Variants in PCSK2 observed in about 807,000 individuals in gnomAD.
PCSK2 encodes the protein neuroendocrine convertase 2.
Under a neutral mutation model 69.7 loss-of-function variants are expected in PCSK2, and 14 were observed. The ratio of observed to expected loss-of-function variants is 0.20; its 90% CI spans 0.13 to 0.31. The LOEUF (loss-of-function observed/expected upper bound fraction) is 0.31, where lower values mean the gene tolerates loss of function less well. Ranked by LOEUF, PCSK2 falls within the 10% of genes least tolerant of loss-of-function variation. The pLI is 1.00. For missense variants in PCSK2, 544 were observed against 842.5 expected (o/e 0.65, Z 4.39); for synonymous variants, 307 against 320.7 (o/e 0.96, Z 0.46).
intron 1 of PCSK2, among the ~76,000 whole-genome samples, chr20:17,233,744 C>A (rs1876898620): frequency 6.6e-6 from 1 of 152,156 alleles, no homozygotes; most frequent in Admixed American, 6.5e-5. Context: ...AGCTAAGCAC[C>A]AGATTCATTG....
intron 2 of PCSK2, among the ~76,000 whole-genome samples, chr20:17,323,107 C>T (rs1389533384): frequency 3.9e-5 from 6 of 152,104 alleles, no homozygotes; most frequent in South Asian, 2.1e-4. Context: ...TTAGGTGATC[C>T]GCCCACCTCA....
chr20:17,364,567 TTG>T (rs1292694936), intron 4 of PCSK2, among the ~76,000 whole-genome samples: 3 of 152,084 alleles, frequency 2.0e-5, no homozygotes, highest in African/African-American at 7.2e-5. Flanking sequence ...CCATCAGATC[TTG>T]CGAGACTTAT....
chr20:17,310,641 G>C (rs910816472), intron 2 of PCSK2, among the ~76,000 whole-genome samples: 27 of 150,072 alleles, frequency 1.8e-4, no homozygotes, highest in African/African-American at 6.7e-4. Context: ...TAGAGAGTAG[G>C]TTTCATTTAT....
chr20:17,439,666 C>T (rs2123356750), intron 8 of PCSK2, among the ~76,000 whole-genome samples: 1 of 152,326 alleles, frequency 6.6e-6, no homozygotes, highest in Non-Finnish European at 1.5e-5. Context: ...CTAGTCTTAC[C>T]AGACTAAAGC....
chr20:17,267,044 G>T (rs1987639608), intron 2 of PCSK2, among the ~76,000 whole-genome samples: 1 of 152,254 alleles, frequency 6.6e-6, no homozygotes, highest in Admixed American at 6.5e-5. Context: ...CATTTTCTGG[G>T]ATCTTTGACC....
At chr20:17,343,029 G>C (rs1990551964) in intron 2 of PCSK2, among the ~76,000 whole-genome samples, 1 of 152,098 alleles carries the variant, frequency 6.6e-6, no homozygotes, top group Non-Finnish European at 1.5e-5. Context: ...GAAAACAAAT[G>C]TACAGAAAGC....
chr20:17,301,000 A>T (rs1264187633), intron 2 of PCSK2, among the ~76,000 whole-genome samples: 1 of 152,224 alleles, frequency 6.6e-6, no homozygotes, highest in Non-Finnish European at 1.5e-5. Context: ...TATAAAAAGG[A>T]TGAAAAGAAA....
At chr20:17,248,002 T>A (rs1354254576) in intron 1 of PCSK2, among the ~76,000 whole-genome samples, 4 of 152,144 alleles carry the variant, frequency 2.6e-5, no homozygotes, top group Non-Finnish European at 4.4e-5. Context: ...TGTGGCATAA[T>A]GAGAATTTCT....
intron 2 of PCSK2, among the ~76,000 whole-genome samples, chr20:17,303,515 T>TTATATTA (rs1989208433): frequency 4.2e-5 from 1 of 23,848 alleles, no homozygotes; most frequent in African/African-American, 1.6e-4. Context: ...ATATTATATA[T>TTATATTA]AATATAATAT....
chr20:17,326,751 T>A (rs1190260847), intron 2 of PCSK2, among the ~76,000 whole-genome samples: 2 of 152,206 alleles, frequency 1.3e-5, no homozygotes, highest in African/African-American at 4.8e-5. Flanking sequence ...AATGACGGAT[T>A]TGTTATCTAG....
At chr20:17,308,872 A>T (rs1989413520) in intron 2 of PCSK2, among the ~76,000 whole-genome samples, 1 of 152,066 alleles carries the variant, frequency 6.6e-6, no homozygotes, top group Non-Finnish European at 1.5e-5. Flanking sequence ...TCCCAAGGAG[A>T]GCAGAGGCTC....
intron 5 of PCSK2, among the ~76,000 whole-genome samples, chr20:17,393,198 C>T (rs185498605): frequency 3.9e-5 from 6 of 152,294 alleles, no homozygotes; most frequent in Admixed American, 2.0e-4. Context: ...GAGACCAGAA[C>T]ATCACTTGCC....
At chr20:17,342,249 A>G (rs1990530619) in intron 2 of PCSK2, among the ~76,000 whole-genome samples, 1 of 152,232 alleles carries the variant, frequency 6.6e-6, no homozygotes, top group Admixed American at 6.5e-5. Context: ...AGATGGTGTT[A>G]TTATTCCATG....
intron 5 of PCSK2, among the ~76,000 whole-genome samples, chr20:17,372,425 AAAT>A (rs2030798048): frequency 2.0e-5 from 3 of 149,292 alleles, no homozygotes; most frequent in Non-Finnish European, 3.0e-5. Context: ...ATAAATAAAT[AAAT>A]AAAAATAAAA....
At chr20:17,290,598 A>T (rs975782734) in intron 2 of PCSK2, among the ~76,000 whole-genome samples, 6 of 152,202 alleles carry the variant, frequency 3.9e-5, no homozygotes, top group Non-Finnish European at 8.8e-5. Flanking sequence ...CTCTCAAGAG[A>T]CAGTAGCACC....
chr20:17,274,957 T>G (rs1988007479), intron 2 of PCSK2, among the ~76,000 whole-genome samples: 1 of 151,928 alleles, frequency 6.6e-6, no homozygotes, highest in Non-Finnish European at 1.5e-5. Context: ...CAGCATTGCT[T>G]CTTTGGCTAT....
chr20:17,368,426 CT>C (rs1222846246), intron 4 of PCSK2, among the ~76,000 whole-genome samples: 5 of 152,146 alleles, frequency 3.3e-5, no homozygotes, highest in Non-Finnish European at 7.3e-5. Context: ...CTCCACAGAC[CT>C]ACGTTTGTAA....
At chr20:17,346,276 G>A (rs546419282) in intron 2 of PCSK2, among the ~76,000 whole-genome samples, 44 of 152,230 alleles carry the variant, frequency 2.9e-4, no homozygotes, top group African/African-American at 1.1e-3. Flanking sequence ...GGCGCTGTTG[G>A]CTCCCCTTTA....
chr20:17,356,717 G>A (rs2030209741), intron 2 of PCSK2, among the ~76,000 whole-genome samples: 1 of 152,176 alleles, frequency 6.6e-6, no homozygotes, highest in South Asian at 2.1e-4. Flanking sequence ...ATGGGCAGCT[G>A]GAGGATCAGT....
Sources: gnomAD v4.1 joint callset for allele counts (sites outside exome capture counted in the v4.1 genomes callset) on GRCh38, gnomAD v4.1.1 for gene constraint, MANE v1.5 for transcripts, NCBI Gene and HGNC (gene_info 2026-07-23, HGNC 2026-07-21) for gene names.